Variants in WDR7 observed in about 807,000 individuals in gnomAD.
The protein encoded by WDR7 is WD repeat-containing protein 7.
Under a neutral mutation model 169.4 loss-of-function variants are expected in WDR7, and 46 were observed. The observed-to-expected ratio is 0.27, with a 90% CI of 0.21 to 0.35. WDR7 has a LOEUF of 0.35. Ranked by LOEUF, WDR7 falls within the 10% of genes least tolerant of loss-of-function variation. The pLI is 1.00. For synonymous variants in WDR7, 612 were observed against 666.8 expected, an observed-to-expected ratio of 0.92 and a Z score of 1.27; for missense variants, 1,534 against 1,859.3, an observed-to-expected ratio of 0.83 and a Z score of 3.22.
At chr18:56,767,909 A>G (rs74893398) in intron 16 of WDR7, among the ~76,000 whole-genome samples, 2,020 of 152,284 alleles carry the variant, frequency 0.013, 21 homozygotes, top group East Asian at 0.033. Context: ...TTCATTGACA[A>G]TATTTTCCAG....
chr18:56,866,789 C>CT (rs1320206908), intron 20 of WDR7, among the ~76,000 whole-genome samples: 1 of 151,826 alleles, frequency 6.6e-6, no homozygotes, highest in Non-Finnish European at 1.5e-5. Flanking sequence ...CTTTATGTTC[C>CT]TTTTTTTGTC....
intron 19 of WDR7, among the ~76,000 whole-genome samples, chr18:56,806,738 A>G (rs1018187990): frequency 1.3e-5 from 2 of 152,104 alleles, no homozygotes; most frequent in African/African-American, 4.8e-5. Context: ...AGCTAAGGGT[A>G]TGTCTTTGTA....
At chr18:57,033,448 A>G (rs1328512007), downstream of WDR7, 2 of 152,242 alleles carry the variant, frequency 1.3e-5, no homozygotes, top group African/African-American at 4.8e-5. Flanking sequence ...TTCACTTTGC[A>G]GCCATTATTG....
chr18:56,837,984 A>G (rs2045420879), intron 20 of WDR7, among the ~76,000 whole-genome samples: 2 of 152,236 alleles, frequency 1.3e-5, no homozygotes, highest in South Asian at 2.1e-4. Context: ...AGATGGGTAC[A>G]TATCAGTATA....
chr18:57,025,688 A>G (rs1394465151), intron 27 of WDR7, among the ~76,000 whole-genome samples: 2 of 152,206 alleles, frequency 1.3e-5, no homozygotes, highest in African/African-American at 2.4e-5. Flanking sequence ...ATTACTCAAG[A>G]TGATTTAAAT....
intron 7 of WDR7, among the ~76,000 whole-genome samples, chr18:56,688,485 G>A (rs948468095): frequency 7.3e-5 from 11 of 151,308 alleles, no homozygotes; most frequent in Non-Finnish European, 4.4e-5. Context: ...TGGGAGGCCC[G>A]AGGCAGGCAG....
chr18:56,982,855 T>C (rs1657416), intron 26 of WDR7, among the ~76,000 whole-genome samples: 11,413 of 152,278 alleles, frequency 0.075, 536 homozygotes, highest in African/African-American at 0.14. Context: ...TCTCTAAACA[T>C]GTAGAAATGT....
intron 19 of WDR7, among the ~76,000 whole-genome samples, chr18:56,803,910 C>T (rs59950292): frequency 0.12 from 18,417 of 152,144 alleles, 1,653 homozygotes; most frequent in African/African-American, 0.25. Context: ...ATATTCCCAC[C>T]TCAACCTTTT....
At chr18:56,717,038 G>A (rs1159742655) in intron 12 of WDR7, among the ~76,000 whole-genome samples, 1 of 152,106 alleles carries the variant, frequency 6.6e-6, no homozygotes, top group Non-Finnish European at 1.5e-5. Context: ...CCCATACAAG[G>A]GAAAGAGTAT....
intron 20 of WDR7, among the ~76,000 whole-genome samples, chr18:56,822,997 G>A (rs1262529218): frequency 3.9e-5 from 6 of 152,084 alleles, no homozygotes; most frequent in Admixed American, 6.6e-5. Context: ...CTCAGCTTTA[G>A]TTTGTGTTGA....
intron 22 of WDR7, among the ~76,000 whole-genome samples, chr18:56,926,427 T>A (rs905648094): frequency 6.6e-6 from 1 of 152,260 alleles, no homozygotes; most frequent in South Asian, 2.1e-4. Flanking sequence ...TTTTTAAATC[T>A]GATCAAAACA....
downstream of WDR7, chr18:57,032,803 A>ATTTT (rs1164657513): frequency 7.8e-3 from 64 of 8,214 alleles, no homozygotes; most frequent in African/African-American, 0.051. Flanking sequence ...TAATTATTTT[A>ATTTT]TATATATATA....
rs139332105 is a variant in WDR7, at chr18:56,999,201, T to G, written c.4165-21544T>G. 1.4e-3 allele frequency among the ~76,000 whole-genome samples: 207 copies of G among 152,302 alleles called. 2 individuals carry two copies. The highest frequency in any genetic ancestry group is 4.7e-3 in the African/African-American group (195 of 41,566). On this transcript the variant is annotated intron_variant, in intron 26 of 27. Coordinates refer to ENST00000254442, the MANE Select transcript of WDR7 (RefSeq NM_015285.3). ...GCTGCATGGCAAACAATAACAGAGTTCTAAGTCTTTTCATATTCTACAAAA... is the reference window on the plus strand; with the variant it reads ...GCTGCATGGCAAACAATAACAGAGTGCTAAGTCTTTTCATATTCTACAAAA...
chr18:56,969,188 T>C (rs2047450680), intron 26 of WDR7, among the ~76,000 whole-genome samples: 1 of 152,218 alleles, frequency 6.6e-6, no homozygotes, highest in African/African-American at 2.4e-5. Flanking sequence ...TGCCTTTTCC[T>C]GTAACTGGCA....
chr18:56,791,457 C>T (rs1470699903), intron 19 of WDR7, among the ~76,000 whole-genome samples: 1 of 152,006 alleles, frequency 6.6e-6, no homozygotes, highest in Non-Finnish European at 1.5e-5. Context: ...TTTTTCTTTA[C>T]CCCCTTCTAG....
chr18:56,676,941 A>G (rs2025257255), intron 2 of WDR7, among the ~76,000 whole-genome samples: 1 of 152,100 alleles, frequency 6.6e-6, no homozygotes, highest in South Asian at 2.1e-4. Context: ...GTTACTAATT[A>G]TATCTTATTG....
At chr18:56,773,075 A>G (rs147675877) in intron 16 of WDR7, among the ~76,000 whole-genome samples, 434 of 152,274 alleles carry the variant, frequency 2.9e-3, no homozygotes, top group African/African-American at 9.7e-3. Context: ...TGCCAATTCT[A>G]TTGGACATAT....
chr18:56,937,853 A>G (rs553323521), intron 23 of WDR7, among the ~76,000 whole-genome samples: 2 of 152,234 alleles, frequency 1.3e-5, no homozygotes, highest in Admixed American at 6.5e-5. Context: ...CTGTTGACCA[A>G]AAGTCTTACT....
At chr18:56,665,926 A>G (rs1306811166) in intron 1 of WDR7, among the ~76,000 whole-genome samples, 1 of 152,068 alleles carries the variant, frequency 6.6e-6, no homozygotes, top group Non-Finnish European at 1.5e-5. Flanking sequence ...AGTTCTGAAG[A>G]TGGGATGACC....
Sources: allele counts gnomAD v4.1 joint callset (sites outside exome capture counted in the v4.1 genomes callset), GRCh38; gene constraint gnomAD v4.1.1; transcripts MANE v1.5; gene names NCBI Gene and HGNC (gene_info 2026-07-23, HGNC 2026-07-21).